The following COL4A1 variants were observed in gnomAD, a reference collection of about 807,000 sequenced individuals.
COL4A1 encodes the protein collagen type IV alpha 1 chain.
In COL4A1, 40 loss-of-function variants were observed where a neutral mutation model predicts 216.6. That is an observed-to-expected ratio of 0.18 (90% CI 0.14 to 0.24). The LOEUF (loss-of-function observed/expected upper bound fraction) is 0.24. Among genes scored for constraint, COL4A1 ranks in the 10% least tolerant of loss-of-function variants. COL4A1 has a pLI of 1.00. For synonymous variants in COL4A1, 839 were observed against 810.7 expected, an observed-to-expected ratio of 1.03 and a Z score of -0.59; for missense variants, 1,628 against 2,196.8, an observed-to-expected ratio of 0.74 and a Z score of 5.18.
chr13:110,249,324 G>A (rs1242329339), intron 1 of COL4A1, among the ~76,000 whole-genome samples: 1 of 152,032 alleles, frequency 6.6e-6, no homozygotes, highest in Non-Finnish European at 1.5e-5. Flanking sequence ...GCACTTTGTT[G>A]TATTTCAATA....
chr13:110,270,906 TG>T (rs1456613575), intron 1 of COL4A1, among the ~76,000 whole-genome samples: 1 of 151,890 alleles, frequency 6.6e-6, no homozygotes, highest in African/African-American at 2.4e-5. Flanking sequence ...ATTTCAGGGG[TG>T]GGGCAGGGAG....
intron 46 of COL4A1, 45 bp downstream of exon 46, chr13:110,164,817 C>A: frequency 6.2e-7 from 1 of 1,608,142 alleles, no homozygotes; most frequent in South Asian, 1.1e-5. Flanking sequence ...GACCACTGCC[C>A]CTCTGGGCTC....
At chr13:110,270,910 G>A (rs1883223926) in intron 1 of COL4A1, among the ~76,000 whole-genome samples, 1 of 152,192 alleles carries the variant, frequency 6.6e-6, no homozygotes, top group African/African-American at 2.4e-5. Context: ...CAGGGGTGGG[G>A]CAGGGAGAGA....
At chr13:110,189,427 A>G (rs1163162415) in intron 24 of COL4A1, among the ~76,000 whole-genome samples, 1 of 152,222 alleles carries the variant, frequency 6.6e-6, no homozygotes, top group African/African-American at 2.4e-5. Context: ...GATGGCACTG[A>G]CGTAGCACGC....
intron 1 of COL4A1, among the ~76,000 whole-genome samples, chr13:110,303,217 G>A (rs1342979548): frequency 6.6e-6 from 1 of 152,044 alleles, no homozygotes; most frequent in Non-Finnish European, 1.5e-5. Context: ...AGTAAGGGTA[G>A]GTTTTCTGGG....
In COL4A1 at chr13:110,203,482, TC is replaced by T. The variant is rs746443991; in HGVS notation, c.999+83del. The T allele has an allele frequency of 2.5e-4, 372 of 1,485,272 alleles. 1 individual carries two copies. The highest frequency in any genetic ancestry group is 3.0e-4 in the Non-Finnish European group (322 of 1,067,922). The allele number at this position is 1,485,272 out of a possible 1,614,324, so 92.0% of individuals were successfully genotyped here. ...CACAGACCCAGGGTCCTCTCCTTCC[TC>T]CCCCCAGTGCTCTCACAGACCCAGG... On this transcript the variant is annotated intron_variant, in intron 18 of 51. Coordinates refer to ENST00000375820, the MANE Select transcript of COL4A1 (RefSeq NM_001845.6).
intron 1 of COL4A1, among the ~76,000 whole-genome samples, chr13:110,296,121 A>G (rs542050594): frequency 4.3e-4 from 66 of 152,368 alleles, no homozygotes; most frequent in African/African-American, 1.5e-3. Flanking sequence ...GAAGAAATCT[A>G]TGACAGTCTC....
intron 43 of COL4A1, among the ~76,000 whole-genome samples, chr13:110,168,603 C>T (rs1877453221): frequency 6.6e-6 from 1 of 152,164 alleles, no homozygotes; most frequent in Non-Finnish European, 1.5e-5. Flanking sequence ...TGTTTTGCAC[C>T]CAGCAAGCTT....
chr13:110,159,494 G>A (rs544526498), intron 49 of COL4A1, among the ~76,000 whole-genome samples: 14 of 152,306 alleles, frequency 9.2e-5, no homozygotes, highest in Middle Eastern at 3.4e-3. Flanking sequence ...GACCCTGTGC[G>A]CTGTGGCAGG....
intron 1 of COL4A1, among the ~76,000 whole-genome samples, chr13:110,253,566 G>A (rs137990469): frequency 0.017 from 2,313 of 137,202 alleles, 85 homozygotes; most frequent in African/African-American, 0.058. Flanking sequence ...ATAATTATAC[G>A]TATGTATGTA....
intron 26 of COL4A1, among the ~76,000 whole-genome samples, chr13:110,183,719 A>G (rs573094093): frequency 6.6e-6 from 1 of 152,354 alleles, no homozygotes; most frequent in African/African-American, 2.4e-5. Flanking sequence ...GAAATTATCC[A>G]AACAACATGA....
chr13:110,209,015 C>A, intron 11 of COL4A1, 125 bp from the exon 12 acceptor site: 1 of 1,033,012 alleles, frequency 9.7e-7, no homozygotes, highest in Non-Finnish European at 1.5e-6. Flanking sequence ...CCATAACTCT[C>A]ATAAAATTTT....
chr13:110,155,484 A>G (rs1047247007), intron 49 of COL4A1, 87 bp from the exon 50 acceptor site: 5 of 812,786 alleles, frequency 6.2e-6, no homozygotes, highest in Non-Finnish European at 8.5e-6. Context: ...TACACTCAAC[A>G]TCCTCACTCA....
At chr13:110,237,460 C>T (rs1293415841) in intron 2 of COL4A1, among the ~76,000 whole-genome samples, 1 of 152,152 alleles carries the variant, frequency 6.6e-6, no homozygotes, top group African/African-American at 2.4e-5. Context: ...GGGGGTGCTC[C>T]TGGCATCCGA....
rs6650275 is a variant in COL4A1, at chr13:110,196,519, C to A, written c.1286-1401G>T. ...TGAGAGACATGTAACTGTTATACTC[C>A]TTTTCCAGAGCATAACTCCTGCCTG... On this transcript the variant is annotated intron_variant, in intron 21 of 51. Coordinates refer to ENST00000375820, the MANE Select transcript of COL4A1 (RefSeq NM_001845.6). Among the ~76,000 whole-genome samples, 765 of 152,226 alleles carry A rather than the reference C, an allele frequency of 5.0e-3. 3 individuals are homozygous for A. The highest frequency in any genetic ancestry group is 0.017 in the African/African-American group (709 of 41,526).
chr13:110,183,005 G>A lies in COL4A1; in HGVS notation c.2083C>T (p.Pro695Ser). The stretch of plus-strand genomic sequence containing the variant: ...CTGGCAGGGTTACCTTTGGGGCCGG[G>A]GGGCCCTGGAAATCCAATGCCTGGC... ...GQPGIGFPGP[P>S]GPKGVDGLPG... The change falls in exon 28 of 52, where the codon CCC becomes TCC. Residue 695 changes from proline to serine, a missense_variant. By Grantham distance (74) the Pro-to-Ser change is moderately conservative (BLOSUM62 -1). This residue lies in a region of COL4A1 where 701 missense variants were observed against 892.5 expected (regional missense o/e 0.79). Coordinates refer to ENST00000375820, the MANE Select transcript of COL4A1 (RefSeq NM_001845.6). The A allele has an allele frequency of 6.2e-7, 1 of 1,612,690 alleles. No individual in the cohort carries two copies. Among genetic ancestry groups the A allele is most frequent in the Non-Finnish European group, 8.5e-7 (1 of 1,179,700 alleles).
Position 110,280,580 on chromosome 13 carries a change from C to T in COL4A1, c.84+26364G>A, listed in dbSNP as rs573843695. ...ATGGTTTGCTTTGGCTTAGCAGCGC[C>T]GCATGGCATGGGCTTTACGTATTAC... On this transcript the variant is annotated intron_variant, in intron 1 of 51. Transcript: ENST00000375820. Among the ~76,000 whole-genome samples the T allele has an allele frequency of 3.9e-5, 6 of 152,334 alleles. No homozygotes were observed. The East Asian group carries it at 5.8e-4, about 15-fold the overall frequency.
At chr13:110,277,609 G>A (rs1402570151) in intron 1 of COL4A1, among the ~76,000 whole-genome samples, 4 of 152,156 alleles carry the variant, frequency 2.6e-5, no homozygotes, top group African/African-American at 9.7e-5. Context: ...CCACCAGCCA[G>A]ACCTCACCAC....
rs1235130058 is a variant in COL4A1, at chr13:110,162,458, C to T, written c.4250-16G>A. 3 of 1,591,260 alleles carry T rather than the reference C, an allele frequency of 1.9e-6. No individual in the cohort carries two copies. Among genetic ancestry groups the T allele is most frequent in the Non-Finnish European group, 2.6e-6 (3 of 1,159,652 alleles). On this transcript the variant is annotated splice_polypyrimidine_tract_variant and intron_variant, in intron 47 of 51. Coordinates refer to ENST00000375820, the MANE Select transcript of COL4A1 (RefSeq NM_001845.6). ...CCTCTTGGACCTGGAAGATAGGAGA[C>T]AAATTAGTTTCCCTAATTACAAACA... is the stretch of plus-strand genomic sequence containing the variant.
Sources: allele counts gnomAD v4.1 joint callset (sites outside exome capture counted in the v4.1 genomes callset), GRCh38; gene constraint gnomAD v4.1.1; regional missense constraint gnomAD v4.1.1; transcripts MANE v1.5; gene names NCBI Gene and HGNC (gene_info 2026-07-23, HGNC 2026-07-21).